USP16: variants seen among roughly 807,000 people sequenced by gnomAD.
USP16 encodes ubiquitin specific peptidase 16, also known as ubiquitin carboxyl-terminal hydrolase 16.
A neutral mutation model predicts 95.9 loss-of-function variants in USP16; 77 were observed. That is an observed-to-expected ratio of 0.80 (90% CI 0.67 to 0.97). The LOEUF (loss-of-function observed/expected upper bound fraction) is 0.97, where lower values mean the gene tolerates loss of function less well. USP16 is among the 50% of genes least tolerant of loss of function. The pLI is 0.00. For missense variants in USP16, 943 were observed against 959.9 expected, an observed-to-expected ratio of 0.98 and a Z score of 0.23; for synonymous variants, 303 against 318.2, an observed-to-expected ratio of 0.95 and a Z score of 0.51.
At position 29,038,967 on chromosome 21, in the gene USP16, A is replaced by G. The variant is rs994010656; in HGVS notation, c.733-59A>G. The G allele has an allele frequency of 2.0e-5, 29 of 1,422,490 alleles. No individual in the cohort carries two copies. In the East Asian group the frequency reaches 7.3e-4, roughly 36 times the overall value. 88.1% of individuals were successfully genotyped at this position (1,422,490 alleles called of 1,614,324 possible). On this transcript the variant is annotated intron_variant, in intron 7 of 17. Transcript: ENST00000399976. ...AGTATATGTTAACTAATTAGATTTTAGTAAAGTCAGTGATTCCAGAATTTG... is the reference window on the plus strand; with the variant it reads ...AGTATATGTTAACTAATTAGATTTTGGTAAAGTCAGTGATTCCAGAATTTG...
At chr21:29,034,142 G>T (rs1228673273) in intron 3 of USP16, among the ~76,000 whole-genome samples, 1 of 152,062 alleles carries the variant, frequency 6.6e-6, no homozygotes, top group Non-Finnish European at 1.5e-5. Flanking sequence ...CTTTGTTTTA[G>T]GAACACTAAA....
intron 16 of USP16, chr21:29,053,565 G>GC (rs2085448469): frequency 2.4e-6 from 1 of 411,422 alleles, no homozygotes; most frequent in Non-Finnish European, 4.3e-6. Context: ...CCAGGTAACT[G>GC]CATCAAGTGG....
At chr21:29,030,883 A>G (rs951975625) in intron 3 of USP16, 110 bp downstream of exon 3, 2 of 1,263,340 alleles carry the variant, frequency 1.6e-6, no homozygotes, top group Non-Finnish European at 2.2e-6. Flanking sequence ...AGTAACATAG[A>G]TCATGTTCTC....
chr21:29,042,167 T>C, intron 11 of USP16, 63 bp downstream of exon 11: 1 of 1,429,732 alleles, frequency 7.0e-7, no homozygotes, highest in Non-Finnish European at 9.7e-7. Flanking sequence ...CAATTGTTTA[T>C]TTCAAAAGCA....
At position 29,054,124 on chromosome 21, in the gene USP16, T is replaced by C. The variant is rs2085459238; in HGVS notation, c.2409T>C (p.Ala803=). The change falls in exon 18 of 18, where the codon GCT becomes GCC. Residue 803 remains alanine, a synonymous_variant. Coordinates refer to ENST00000399976, the MANE Select transcript of USP16 (RefSeq NM_006447.3). ...WFHISDTHVQ[A]VPTTKVLNSQ... is the part of the protein sequence containing the mutation. ...ACATCAGCGACACACATGTGCAAGC[T>C]GTGCCTACAACTAAAGTACTAAACT... The C allele has an allele frequency of 1.9e-6, 3 of 1,614,272 alleles. No homozygotes were observed. Among genetic ancestry groups the C allele is most frequent in the Non-Finnish European group, 1.7e-6 (2 of 1,180,042 alleles).
In USP16 at chr21:29,046,744, CA is replaced by C; in HGVS notation, c.1435del (p.Ser479ValfsTer13). The C allele has an allele frequency of 6.2e-7, 1 of 1,613,952 alleles. No individual in the cohort carries two copies. Among genetic ancestry groups the C allele is most frequent in the Non-Finnish European group, 8.5e-7 (1 of 1,179,960 alleles). ...TTTGTACTATTGACCATCCTGAAGACAGTGAATATGAAGCTGAAATGTCACT... is the reference window on the plus strand; with the variant it reads ...TTTGTACTATTGACCATCCTGAAGACGTGAATATGAAGCTGAAATGTCACT... Reference protein sequence around the residue: ...DICTIDHPEDSEYEAEMSLQG... With the variant: ...DICTIDHPEDXEYEAEMSLQG... On this transcript the variant is annotated frameshift_variant, in exon 14 of 18. Coordinates refer to ENST00000399976, the MANE Select transcript of USP16 (RefSeq NM_006447.3). LOFTEE classifies it high-confidence loss of function.
At chr21:29,042,439 A>C in intron 11 of USP16, 33 bp from the exon 12 acceptor site, 1 of 1,590,708 alleles carries the variant, frequency 6.3e-7, no homozygotes, top group East Asian at 2.3e-5. Context: ...TACAGTATTT[A>C]CATTTTTACA....
chr21:29,030,600 G>A lies in USP16; in HGVS notation c.67G>A (p.Val23Met). ...IDDSSETLEP[V>M]CRHIRKGLEQ... The stretch of plus-strand genomic sequence containing the variant: ...TCTATTATTTGTTTTAATAGAACCT[G>A]TGTGCAGACACATTAGAAAAGGATT... Residue 23 changes from valine (V) to methionine (M), a missense_variant, in exon 3 of 18, where the codon GTG becomes ATG. Transcript: ENST00000399976. 1 of 1,595,168 alleles carries A rather than the reference G, an allele frequency of 6.3e-7. No individual in the cohort carries two copies.
chr21:29,040,352 T>C (rs1310166758), intron 9 of USP16, among the ~76,000 whole-genome samples: 2 of 152,194 alleles, frequency 1.3e-5, no homozygotes, highest in Non-Finnish European at 2.9e-5. Context: ...GTGGTGGGCA[T>C]GTTCTGAAAA....
At chr21:29,029,394 C>CG (rs2085045280) in intron 2 of USP16, among the ~76,000 whole-genome samples, 1 of 152,036 alleles carries the variant, frequency 6.6e-6, no homozygotes, top group Admixed American at 6.6e-5. Context: ...GCCTGGGCAA[C>CG]AGAGCAAGAC....
At position 29,026,287 on chromosome 21, in the gene USP16, C is replaced by T. The variant is rs191499727; in HGVS notation, c.-42+1510C>T. Among the ~76,000 whole-genome samples, 213 of 152,028 alleles carry T rather than the reference C, an allele frequency of 1.4e-3. 2 individuals are homozygous for T. The highest frequency in any genetic ancestry group is 5.5e-3 in the Admixed American group (84 of 15,272). On this transcript the variant is annotated intron_variant, in intron 1 of 17. Coordinates refer to ENST00000399976, the MANE Select transcript of USP16 (RefSeq NM_006447.3). The stretch of plus-strand genomic sequence containing the variant: ...CATGGCCAAGATGGTGAAACCCCGT[C>T]TCTACTAAAAATACAAAAATTAGCC...
chr21:29,045,564 GT>G (rs528533119), intron 13 of USP16, among the ~76,000 whole-genome samples: 19 of 145,132 alleles, frequency 1.3e-4, no homozygotes, highest in South Asian at 4.3e-4. Flanking sequence ...CTTTCAGTTT[GT>G]TTTTTTTTTT....
At chr21:29,049,195 G>A (rs1176635697) in intron 15 of USP16, among the ~76,000 whole-genome samples, 1 of 152,134 alleles carries the variant, frequency 6.6e-6, no homozygotes, top group Non-Finnish European at 1.5e-5. Flanking sequence ...TTTTGTGTGT[G>A]GCATCTTGTT....
intron 1 of USP16, chr21:29,025,820 C>T (rs566930476): frequency 3.0e-6 from 2 of 670,780 alleles, no homozygotes; most frequent in South Asian, 6.6e-5. Flanking sequence ...TCTTCAGGAC[C>T]TGCTATGTAC....
At chr21:29,049,532 A>G (rs2085382024) in intron 15 of USP16, among the ~76,000 whole-genome samples, 1 of 152,230 alleles carries the variant, frequency 6.6e-6, no homozygotes, top group Admixed American at 6.5e-5. Flanking sequence ...TGGCTGAAGC[A>G]GAAACATTGA....
In USP16 at chr21:29,038,353, G is replaced by A. The variant is rs117249152; in HGVS notation, c.655G>A (p.Val219Met). Residue 219 changes from valine (V) to methionine (M), a missense_variant, in exon 7 of 18, where the codon GTG (valine) becomes ATG (methionine). Physicochemically the swap from Val to Met is conservative, Grantham distance 21 (BLOSUM62 1). Coordinates refer to ENST00000399976, the MANE Select transcript of USP16 (RefSeq NM_006447.3). Reference protein sequence around the residue: ...AVMQNLSQTPVLRELLKEVKM... With the variant: ...AVMQNLSQTPMLRELLKEVKM... ...ATTCTAGAACTTGTCACAAACACCAGTGCTTAGAGAACTACTAAAAGAAGT... is the reference window on the plus strand; with the variant it reads ...ATTCTAGAACTTGTCACAAACACCAATGCTTAGAGAACTACTAAAAGAAGT... 9.3e-5 allele frequency: 150 copies of A among 1,610,102 alleles called. No individual in the cohort carries two copies. The East Asian group carries it at 3.0e-3, about 33-fold the overall frequency.
At chr21:29,030,277 A>G (rs1223297091) in intron 2 of USP16, among the ~76,000 whole-genome samples, 2 of 152,182 alleles carry the variant, frequency 1.3e-5, no homozygotes, top group Non-Finnish European at 2.9e-5. Context: ...TTTAAAGATA[A>G]AGAGAATCAT....
chr21:29,047,626 C>G (rs996188209), intron 14 of USP16, among the ~76,000 whole-genome samples: 2 of 152,068 alleles, frequency 1.3e-5, no homozygotes, highest in Non-Finnish European at 2.9e-5. Context: ...CCACCCTTAC[C>G]TCCTTTGCAC....
At chr21:29,026,704 G>A (rs1601036169) in intron 1 of USP16, 2 of 151,768 alleles carry the variant, frequency 1.3e-5, no homozygotes, top group Non-Finnish European at 2.9e-5. Context: ...TTAGCTCATC[G>A]TTTGTGTGAT....
Sources: gnomAD v4.1 joint callset for allele counts (sites outside exome capture counted in the v4.1 genomes callset) on GRCh38, gnomAD v4.1.1 for gene constraint, MANE v1.5 for transcripts, NCBI Gene and HGNC (gene_info 2026-07-23, HGNC 2026-07-21) for gene names.